The following STK32B variants were observed in gnomAD, a reference collection of about 807,000 sequenced individuals.
STK32B encodes the protein serine/threonine kinase 32B.
In STK32B, 43 loss-of-function variants were observed where a neutral mutation model predicts 52.6. The ratio of observed to expected loss-of-function variants is 0.82; its 90% CI spans 0.64 to 1.05. The LOEUF (loss-of-function observed/expected upper bound fraction) is 1.05. Among genes scored for constraint, STK32B ranks in the 50% least tolerant of loss-of-function variants. The pLI, the probability that STK32B is intolerant of heterozygous loss-of-function variation, is 0.00. For missense variants in STK32B, 621 were observed against 534.6 expected (o/e 1.16, Z -1.59); for synonymous variants, 238 against 204.3 (o/e 1.17, Z -1.41).
At chr4:5,208,163 C>T (rs1452678487) in intron 3 of STK32B, among the ~76,000 whole-genome samples, 1 of 151,756 alleles carries the variant, frequency 6.6e-6, no homozygotes, top group Middle Eastern at 3.2e-3. Flanking sequence ...GATGGTACCT[C>T]TTGAGCCCTG....
chr4:5,473,125 T>G (rs1717969643), intron 11 of STK32B, among the ~76,000 whole-genome samples: 1 of 152,240 alleles, frequency 6.6e-6, no homozygotes, highest in Non-Finnish European at 1.5e-5. Flanking sequence ...TATGAAGAAC[T>G]TGAACTCTAA....
intron 4 of STK32B, among the ~76,000 whole-genome samples, chr4:5,376,275 T>G (rs1471485858): frequency 6.6e-6 from 1 of 152,240 alleles, no homozygotes; most frequent in African/African-American, 2.4e-5. Flanking sequence ...GCTTCCTTTA[T>G]TCTTTTACAG....
At chr4:5,478,398 G>A (rs1185884153) in intron 11 of STK32B, among the ~76,000 whole-genome samples, 2 of 152,132 alleles carry the variant, frequency 1.3e-5, no homozygotes, top group Admixed American at 1.3e-4. Context: ...GGGTTTGGCT[G>A]AATCCAACCA....
chr4:5,332,399 T>C (rs1053729152), intron 4 of STK32B, among the ~76,000 whole-genome samples: 2 of 152,262 alleles, frequency 1.3e-5, no homozygotes, highest in South Asian at 2.1e-4. Context: ...AGCTCAGGAA[T>C]TGGCAGCACC....
At chr4:5,417,784 A>G (rs1439367616) in intron 6 of STK32B, among the ~76,000 whole-genome samples, 2 of 152,220 alleles carry the variant, frequency 1.3e-5, no homozygotes, top group African/African-American at 2.4e-5. Flanking sequence ...GACAATCACA[A>G]CGTTATTTCT....
chr4:5,171,843 A>G (rs1363717913), intron 3 of STK32B, among the ~76,000 whole-genome samples: 16 of 151,198 alleles, frequency 1.1e-4, no homozygotes, highest in Non-Finnish European at 4.4e-5. Context: ...AATTCTGTGA[A>G]GAAAGTCATT....
chr4:5,237,079 A>T (rs1724688779), intron 3 of STK32B, among the ~76,000 whole-genome samples: 1 of 152,188 alleles, frequency 6.6e-6, no homozygotes, highest in African/African-American at 2.4e-5. Flanking sequence ...ACACGGAGAA[A>T]AAAGATTATC....
At chr4:5,113,821 T>A (rs992015587) in intron 1 of STK32B, among the ~76,000 whole-genome samples, 6 of 152,168 alleles carry the variant, frequency 3.9e-5, no homozygotes, top group African/African-American at 1.4e-4. Flanking sequence ...CAGTTCCACA[T>A]GGCCGGGGAG....
intron 3 of STK32B, among the ~76,000 whole-genome samples, chr4:5,219,359 G>T (rs1157658791): frequency 6.6e-6 from 1 of 152,222 alleles, no homozygotes; most frequent in Non-Finnish European, 1.5e-5. Context: ...GCAAACGTGG[G>T]CCTGACAACA....
chr4:5,434,355 A>C (rs1713848245), intron 6 of STK32B, among the ~76,000 whole-genome samples: 2 of 152,194 alleles, frequency 1.3e-5, no homozygotes. Flanking sequence ...AATTGCAACC[A>C]AAACTAAGAG....
At chr4:5,302,998 TTGTG>T (rs578218451) in intron 3 of STK32B, among the ~76,000 whole-genome samples, 1 of 148,948 alleles carries the variant, frequency 6.7e-6, no homozygotes, top group African/African-American at 2.5e-5. Flanking sequence ...GTGTGTGTGT[TTGTG>T]TGTGTATATA....
intron 2 of STK32B, among the ~76,000 whole-genome samples, chr4:5,149,804 T>G (rs1297884806): frequency 6.6e-6 from 1 of 151,874 alleles, no homozygotes; most frequent in Non-Finnish European, 1.5e-5. Context: ...AGGAAAATAG[T>G]TTTTGATATT....
At chr4:5,482,872 T>G (rs1718835752) in intron 11 of STK32B, among the ~76,000 whole-genome samples, 1 of 152,238 alleles carries the variant, frequency 6.6e-6, no homozygotes, top group Admixed American at 6.5e-5. Context: ...TGGTTCTGTT[T>G]ATATGCTGGA....
At chr4:5,183,952 G>A (rs1720548016) in intron 3 of STK32B, among the ~76,000 whole-genome samples, 1 of 152,120 alleles carries the variant, frequency 6.6e-6, no homozygotes, top group African/African-American at 2.4e-5. Context: ...ATGTTGTGGC[G>A]AGTTTGATTT....
At chr4:5,173,085 G>C (rs573392378) in intron 3 of STK32B, among the ~76,000 whole-genome samples, 1 of 152,310 alleles carries the variant, frequency 6.6e-6, no homozygotes, top group South Asian at 2.1e-4. Context: ...AGATTTTCTA[G>C]TTTATTTGCG....
At chr4:5,184,684 C>CAAAAAAAAA (rs1553846538) in intron 3 of STK32B, among the ~76,000 whole-genome samples, 5 of 105,296 alleles carry the variant, frequency 4.7e-5, no homozygotes, top group African/African-American at 6.6e-5. Context: ...GAGACTGTCT[C>CAAAAAAAAA]AAAAAAAAAA....
chr4:5,246,334 A>G (rs948644145), intron 3 of STK32B, among the ~76,000 whole-genome samples: 1 of 152,110 alleles, frequency 6.6e-6, no homozygotes, highest in East Asian at 1.9e-4. Context: ...TGTCTTCCAT[A>G]GCTGATACCC....
In STK32B at chr4:5,394,723, C is replaced by T. The variant is rs1577439193; in HGVS notation, c.435-3484C>T. The stretch of plus-strand genomic sequence containing the variant: ...ACTGTGTGAAGTGCTGAACAAATGT[C>T]ATCTCATTGTACACTCAGCAACAGT... On this transcript the variant is annotated intron_variant, in intron 4 of 11. Transcript: ENST00000282908. This position sits in a 1 kb window ranked among gnomAD's most constrained non-coding sequence, Gnocchi z 4.2. 6.6e-6 allele frequency among the ~76,000 whole-genome samples: 1 copy of T among 152,328 alleles called. No homozygotes were observed. The highest frequency in any genetic ancestry group is 2.4e-5 in the African/African-American group (1 of 41,574).
chr4:5,022,978 G>A, the STK32B span, among the ~76,000 whole-genome samples: 1 of 152,154 alleles, frequency 6.6e-6, no homozygotes, highest in South Asian at 2.1e-4. Context: ...AATGCAGTGG[G>A]GAAGCGGGGT....
Sources: allele counts gnomAD v4.1 joint callset (sites outside exome capture counted in the v4.1 genomes callset), GRCh38; gene constraint gnomAD v4.1.1; non-coding constraint Gnocchi (gnomAD v3.1); transcripts MANE v1.5; gene names NCBI Gene and HGNC (gene_info 2026-07-23, HGNC 2026-07-21).